Variants in HS6ST3 observed in about 807,000 individuals in gnomAD.
HS6ST3 encodes heparan-sulfate 6-O-sulfotransferase 3.
HS6ST3 carries 12 observed loss-of-function variants against 36.7 expected under a neutral mutation model. The observed-to-expected ratio is 0.33, with a 90% CI of 0.21 to 0.53. HS6ST3 has a LOEUF of 0.53. Among genes scored for constraint, HS6ST3 ranks in the 20% least tolerant of loss-of-function variants. The probability of loss-of-function intolerance (pLI) is 0.95; values close to 1 mark genes in which losing one functional copy is unlikely to be tolerated. For synonymous variants in HS6ST3, 240 were observed against 257.5 expected, an observed-to-expected ratio of 0.93 and a Z score of 0.65; for missense variants, 584 against 640.9, an observed-to-expected ratio of 0.91 and a Z score of 0.96.
At chr13:96,367,513 C>T (rs920582863) in intron 1 of HS6ST3, among the ~76,000 whole-genome samples, 2 of 152,192 alleles carry the variant, frequency 1.3e-5, no homozygotes, top group African/African-American at 4.8e-5. Context: ...TACACTCTTA[C>T]TATGCTTTCT....
intron 1 of HS6ST3, among the ~76,000 whole-genome samples, chr13:96,717,823 C>T (rs1176609297): frequency 6.6e-6 from 1 of 152,184 alleles, no homozygotes; most frequent in African/African-American, 2.4e-5. Context: ...ACAAGGATCC[C>T]ATCAGGTGCT....
chr13:96,356,889 A>G (rs565690080), intron 1 of HS6ST3, among the ~76,000 whole-genome samples: 6 of 152,334 alleles, frequency 3.9e-5, no homozygotes, highest in Admixed American at 2.0e-4. Context: ...CTTCACCTAC[A>G]TTGAAAATCT....
intron 1 of HS6ST3, among the ~76,000 whole-genome samples, chr13:96,353,939 A>C (rs2055197280): frequency 6.6e-6 from 1 of 152,332 alleles, no homozygotes; most frequent in African/African-American, 2.4e-5. Flanking sequence ...TCAAGGGTAT[A>C]GGGGAAGAGG....
chr13:96,456,139 T>A (rs965068686), intron 1 of HS6ST3, among the ~76,000 whole-genome samples: 2 of 152,208 alleles, frequency 1.3e-5, no homozygotes, highest in African/African-American at 4.8e-5. Flanking sequence ...TATTTCTTTG[T>A]CTTTTTATTT....
rs547304119 is a variant in HS6ST3 at position 96,134,472 on chromosome 13, A to G, written c.707+42903A>G. On this transcript the variant is annotated intron_variant, in intron 1 of 1. Transcript: ENST00000376705. ...TTTTTCTGATTTTTATTTTTTACCT[A>G]TTTCCATTTTAACAGTGTCATAATT... 4.0e-5 allele frequency among the ~76,000 whole-genome samples: 6 copies of G among 151,096 alleles called. No individual in the cohort carries two copies. The South Asian group carries it at 8.4e-4, about 21-fold the overall frequency.
intron 1 of HS6ST3, among the ~76,000 whole-genome samples, chr13:96,682,497 T>C (rs1431587566): frequency 6.6e-6 from 1 of 152,098 alleles, no homozygotes; most frequent in Non-Finnish European, 1.5e-5. Flanking sequence ...TGGCTGTAAA[T>C]TGGGCAAATG....
chr13:96,110,539 C>T (rs1222886806), intron 1 of HS6ST3, among the ~76,000 whole-genome samples: 2 of 151,766 alleles, frequency 1.3e-5, no homozygotes, highest in African/African-American at 4.8e-5. Context: ...CAGGTTCACA[C>T]CATTCTCCTG....
intron 1 of HS6ST3, among the ~76,000 whole-genome samples, chr13:96,674,711 A>T (rs1321548143): frequency 6.6e-6 from 1 of 151,820 alleles, no homozygotes; most frequent in East Asian, 1.9e-4. Flanking sequence ...GACACATGGA[A>T]CCTCCAGTTC....
At chr13:96,197,327 C>T (rs530124185) in intron 1 of HS6ST3, among the ~76,000 whole-genome samples, 5 of 152,238 alleles carry the variant, frequency 3.3e-5, no homozygotes, top group East Asian at 1.9e-4. Context: ...TAATCACTAT[C>T]GTGAGAATAG....
chr13:96,697,187 G>GTA (rs200095411), intron 1 of HS6ST3, among the ~76,000 whole-genome samples: 2,251 of 151,588 alleles, frequency 0.015, 54 homozygotes, highest in African/African-American at 0.051. Flanking sequence ...GTGTGTGTGT[G>GTA]TATATATGTA....
intron 1 of HS6ST3, among the ~76,000 whole-genome samples, chr13:96,181,866 C>T (rs894464156): frequency 1.3e-5 from 2 of 151,976 alleles, no homozygotes; most frequent in African/African-American, 2.4e-5. Context: ...TTTTTTTTCT[C>T]CCCCCACTGC....
chr13:96,579,931 ATCTC>A (rs1277444756), intron 1 of HS6ST3, among the ~76,000 whole-genome samples: 1 of 152,140 alleles, frequency 6.6e-6, no homozygotes, highest in Non-Finnish European at 1.5e-5. Context: ...GAACAATATA[ATCTC>A]TCTCCTAGAT....
At chr13:96,531,361 AT>A (rs1434007144) in intron 1 of HS6ST3, among the ~76,000 whole-genome samples, 2 of 152,140 alleles carry the variant, frequency 1.3e-5, no homozygotes, top group Non-Finnish European at 2.9e-5. Flanking sequence ...ACAGATGTTC[AT>A]TTATTGTTTT....
chr13:96,225,653 C>A (rs1177404762), intron 1 of HS6ST3, among the ~76,000 whole-genome samples: 1 of 152,026 alleles, frequency 6.6e-6, no homozygotes, highest in South Asian at 2.1e-4. Context: ...CTTTACTTTT[C>A]TATTTTAATA....
chr13:96,381,331 A>G (rs1241248795), intron 1 of HS6ST3, among the ~76,000 whole-genome samples: 1 of 151,588 alleles, frequency 6.6e-6, no homozygotes, highest in Non-Finnish European at 1.5e-5. Flanking sequence ...TGTAAAATCT[A>G]TATTATATAT....
intron 1 of HS6ST3, among the ~76,000 whole-genome samples, chr13:96,701,158 A>G (rs947257276): frequency 2.6e-5 from 4 of 152,246 alleles, no homozygotes; most frequent in Non-Finnish European, 4.4e-5. Flanking sequence ...AATCAAAATT[A>G]CCATCTAACA....
intron 1 of HS6ST3, among the ~76,000 whole-genome samples, chr13:96,328,591 T>G (rs937177039): frequency 1.3e-4 from 20 of 151,804 alleles, no homozygotes; most frequent in Non-Finnish European, 2.2e-4. Context: ...GCCAGTATTT[T>G]ATTGAGGATT....
At chr13:96,127,455 T>G (rs1251514174) in intron 1 of HS6ST3, among the ~76,000 whole-genome samples, 1 of 152,208 alleles carries the variant, frequency 6.6e-6, no homozygotes, top group African/African-American at 2.4e-5. Context: ...GCTGCTGATC[T>G]GGCAGGAGGC....
intron 1 of HS6ST3, among the ~76,000 whole-genome samples, chr13:96,390,244 C>G (rs2055388974): frequency 6.6e-6 from 1 of 152,160 alleles, no homozygotes. Flanking sequence ...AGCACTCAAT[C>G]TACATATAAG....
Sources: allele counts gnomAD v4.1 joint callset (sites outside exome capture counted in the v4.1 genomes callset), GRCh38; gene constraint gnomAD v4.1.1; transcripts MANE v1.5; gene names NCBI Gene and HGNC (gene_info 2026-07-23, HGNC 2026-07-21).